RNF10: variants seen among roughly 807,000 people sequenced by gnomAD.
RNF10 encodes the protein E3 ubiquitin-protein ligase RNF10.
RNF10 carries 38 observed loss-of-function variants against 91.4 expected under a neutral mutation model. The observed-to-expected ratio is 0.42, with a 90% CI of 0.32 to 0.54. RNF10 has a LOEUF of 0.54. Ranked by LOEUF, RNF10 falls within the 20% of genes least tolerant of loss-of-function variation. RNF10 has a pLI of 0.16. For missense variants in RNF10, 945 were observed against 1,012.0 expected (o/e 0.93, Z 0.90); for synonymous variants, 364 against 366.3 (o/e 0.99, Z 0.07).
At position 120,560,793 on chromosome 12, in the gene RNF10, T is replaced by G; in HGVS notation, c.1035T>G (p.Val345=). 1.2e-6 allele frequency: 2 copies of G among 1,614,038 alleles called. No homozygotes were observed. Among genetic ancestry groups the G allele is most frequent in the Non-Finnish European group, 1.7e-6 (2 of 1,179,982 alleles). The change falls in exon 7 of 17, where the codon GTT becomes GTG. Residue 345 remains valine (V), a synonymous_variant. Transcript: ENST00000325954. ...AGGAGCAGGTGCTGCACCGGGTAGT[T>G]CTGGAGGAGAAAGTAGCACTAGAGC... is the stretch of plus-strand genomic sequence containing the variant. ...ASKEQVLHRV[V]LEEKVALEQQ... is the part of the protein sequence containing the mutation.
At chr12:120,572,165 C>A (rs1265101067) in intron 14 of RNF10, among the ~76,000 whole-genome samples, 2 of 151,468 alleles carry the variant, frequency 1.3e-5, no homozygotes, top group Non-Finnish European at 2.9e-5. Flanking sequence ...CTCCCGGGTT[C>A]ACGCCATTCT....
intron 7 of RNF10, among the ~76,000 whole-genome samples, chr12:120,562,469 T>G (rs1028353564): frequency 1.3e-5 from 2 of 151,864 alleles, no homozygotes; most frequent in African/African-American, 4.8e-5. Flanking sequence ...AGATGGGGTT[T>G]CTCCATGTTG....
At chr12:120,555,517 C>T (rs1282441480) in intron 4 of RNF10, among the ~76,000 whole-genome samples, 13 of 127,996 alleles carry the variant, frequency 1.0e-4, no homozygotes, top group East Asian at 4.8e-4. Flanking sequence ...GACGGAGTTT[C>T]GCTCTTGTTG....
intron 1 of RNF10, among the ~76,000 whole-genome samples, chr12:120,535,747 C>G (rs552108428): frequency 1.3e-5 from 2 of 152,252 alleles, no homozygotes; most frequent in East Asian, 3.9e-4. Context: ...TTTCTGTAAT[C>G]AAGTCTGTCA....
chr12:120,539,664 G>A (rs1871284179), intron 1 of RNF10, among the ~76,000 whole-genome samples: 1 of 152,158 alleles, frequency 6.6e-6, no homozygotes, highest in Admixed American at 6.6e-5. Context: ...ACTTGGTGGA[G>A]ACCTTTCCAT....
chr12:120,559,176 CTTTTTTTTTTTT>C (rs34120761), intron 6 of RNF10, among the ~76,000 whole-genome samples: 2 of 95,808 alleles, frequency 2.1e-5, no homozygotes, highest in African/African-American at 1.1e-4. Context: ...TTGAACTACT[CTTTTTTTTTTTT>C]TTTTTTTTTT....
At chr12:120,551,234 C>G (rs1444161800) in intron 2 of RNF10, among the ~76,000 whole-genome samples, 1 of 150,310 alleles carries the variant, frequency 6.7e-6, no homozygotes, top group Non-Finnish European at 1.5e-5. Context: ...GATCCTCCCT[C>G]CTTGGCCTCC....
At chr12:120,554,658 G>A (rs2137187437) in intron 3 of RNF10, 60 bp from the exon 4 acceptor site, 2 of 1,310,348 alleles carry the variant, frequency 1.5e-6, no homozygotes, top group Non-Finnish European at 2.2e-6. Flanking sequence ...GACAATTTCT[G>A]CTGAGGGTTT....
intron 2 of RNF10, among the ~76,000 whole-genome samples, chr12:120,547,279 G>A (rs1233459167): frequency 1.3e-5 from 2 of 152,110 alleles, no homozygotes; most frequent in Non-Finnish European, 2.9e-5. Context: ...AAAGAAGCAA[G>A]GGAGCACACT....
chr12:120,546,514 C>A lies in RNF10; in HGVS notation c.267C>A (p.Ser89Arg). The A allele has an allele frequency of 6.2e-7, 1 of 1,614,136 alleles. No homozygotes were observed. The highest frequency in any genetic ancestry group is 1.7e-5 in the Admixed American group (1 of 59,994). The change falls in exon 2 of 17, where the codon AGC becomes AGA. Residue 89 changes from serine to arginine, a missense_variant. Ser to Arg is a moderately radical substitution (Grantham distance 110). Transcript: ENST00000325954. ...NQSRRSSSQK[S>R]KTFNKMPPQR... ...CCCGTCGCTCCAGTTCACAGAAAAG[C>A]AAGACTTTTAACAAGATGCCTCCTC...
chr12:120,560,487 G>A (rs1874688401), intron 6 of RNF10, among the ~76,000 whole-genome samples: 2 of 152,138 alleles, frequency 1.3e-5, no homozygotes, highest in Admixed American at 1.3e-4. Flanking sequence ...ATACAATGCT[G>A]TAACAATAAA....
rs111919381 is a variant in RNF10 at position 120,539,993 on chromosome 12, C to T, written c.157+5025C>T. On this transcript the variant is annotated intron_variant, in intron 1 of 16. Coordinates refer to ENST00000325954, the MANE Select transcript of RNF10 (RefSeq NM_014868.5). ...TGGATTGCAGGTGTCCACCACCACACCGGCCTAATTTTTGTATTTTTAGTA... is the reference window on the plus strand; with the variant it reads ...TGGATTGCAGGTGTCCACCACCACATCGGCCTAATTTTTGTATTTTTAGTA... 2.6e-5 allele frequency among the ~76,000 whole-genome samples: 4 copies of T among 151,808 alleles called. No individual in the cohort carries two copies. In the South Asian group the frequency reaches 6.3e-4, roughly 24 times the overall value.
chr12:120,552,495 C>T lies in RNF10; in HGVS notation c.355-4C>T, dbSNP rs1213451871. 4.3e-6 allele frequency: 7 copies of T among 1,612,098 alleles called. No individual in the cohort carries two copies. The East Asian group carries it at 1.6e-4, about 36-fold the overall frequency. On this transcript the variant is annotated splice_region_variant and splice_polypyrimidine_tract_variant and intron_variant, in intron 2 of 16. Coordinates refer to ENST00000325954, the MANE Select transcript of RNF10 (RefSeq NM_014868.5). ...AAATACTGATTCATTCTCATTCTCTCTAGGTAGCAGAGGCTCAACGGGCAG... is the reference window on the plus strand; with the variant it reads ...AAATACTGATTCATTCTCATTCTCTTTAGGTAGCAGAGGCTCAACGGGCAG...
chr12:120,556,830 T>C (rs1157554559), intron 4 of RNF10, among the ~76,000 whole-genome samples: 1 of 151,906 alleles, frequency 6.6e-6, no homozygotes, highest in Non-Finnish European at 1.5e-5. Flanking sequence ...TAACGGTTAT[T>C]ATGGTTTCCT....
In RNF10 at chr12:120,566,937, C is replaced by A; in HGVS notation, c.1998C>A (p.Ala666=). 2 of 1,612,182 alleles carry A rather than the reference C, an allele frequency of 1.2e-6. No individual in the cohort carries two copies. Among genetic ancestry groups the A allele is most frequent in the Non-Finnish European group, 1.7e-6 (2 of 1,179,562 alleles). Reference sequence around the variant, plus strand: ...CCACCAGCACCGAGGGCCATGGGGCCCTCTCCATTTCTCCTCTCAGCAGAA... The same window carrying A: ...CCACCAGCACCGAGGGCCATGGGGCACTCTCCATTTCTCCTCTCAGCAGAA... ...LGPTSTEGHG[A]LSISPLSRSP... Residue 666 remains alanine (A), a synonymous_variant, in exon 13 of 17, where the codon GCC becomes GCA. Coordinates refer to ENST00000325954, the MANE Select transcript of RNF10 (RefSeq NM_014868.5).
Position 120,575,777 on chromosome 12 carries a change from A to T in RNF10, c.2201-15A>T. 1 of 1,614,176 alleles carries T rather than the reference A, an allele frequency of 6.2e-7. No homozygotes were observed. Among genetic ancestry groups the T allele is most frequent in the Non-Finnish European group, 8.5e-7 (1 of 1,180,002 alleles). ...AAAGAGTTGTTTCTATAGTTTTAAC[A>T]CTGGTATTTTTTAGATGAGAACAGC... On this transcript the variant is annotated splice_polypyrimidine_tract_variant and intron_variant, in intron 15 of 16. Coordinates refer to ENST00000325954, the MANE Select transcript of RNF10 (RefSeq NM_014868.5).
chr12:120,545,834 C>T (rs1022016329), intron 1 of RNF10, among the ~76,000 whole-genome samples: 15 of 152,356 alleles, frequency 9.8e-5, no homozygotes, highest in African/African-American at 3.6e-4. Context: ...CCATTGCGCC[C>T]AGCCCCCAGT....
rs763567441 is a variant in RNF10 at position 120,552,571 on chromosome 12, T to G, written c.427T>G (p.Leu143Val). The G allele has an allele frequency of 1.1e-5, 17 of 1,614,068 alleles. No homozygotes were observed. In the South Asian group the frequency reaches 1.9e-4, roughly 18 times the overall value. The change falls in exon 3 of 17, where the codon TTG becomes GTG. Residue 143 changes from leucine (L) to valine (V), a missense_variant. By Grantham distance (32) the Leu-to-Val change is conservative (BLOSUM62 1). Transcript: ENST00000325954. ...SGPKKINLNH[L>V]LNFTFEPRGQ... ...TCCTAAGAAGATCAACCTGAACCACTTGTTGAATTTCACTTTTGAACCCCG... is the reference window on the plus strand; with the variant it reads ...TCCTAAGAAGATCAACCTGAACCACGTGTTGAATTTCACTTTTGAACCCCG...
intron 13 of RNF10, among the ~76,000 whole-genome samples, chr12:120,569,477 T>C (rs1211202441): frequency 6.6e-6 from 1 of 151,304 alleles, no homozygotes; most frequent in Non-Finnish European, 1.5e-5. Flanking sequence ...TCTGCTTAAC[T>C]GAAAAAGGAG....
Sources: gnomAD v4.1 joint callset for allele counts (sites outside exome capture counted in the v4.1 genomes callset) on GRCh38, gnomAD v4.1.1 for gene constraint, MANE v1.5 for transcripts, NCBI Gene and HGNC (gene_info 2026-07-23, HGNC 2026-07-21) for gene names.